Variants in ATOH8 observed in about 807,000 individuals in gnomAD.
ATOH8 encodes atonal bHLH transcription factor 8.
In ATOH8, 9 loss-of-function variants were observed where a neutral mutation model predicts 21.2. That is an observed-to-expected ratio of 0.42 (90% CI 0.26 to 0.74). The LOEUF (loss-of-function observed/expected upper bound fraction) is 0.74, where lower values mean the gene tolerates loss of function less well. ATOH8 is among the 30% of genes least tolerant of loss of function. ATOH8 has a pLI of 0.24. For missense variants in ATOH8, 524 were observed against 470.9 expected, an observed-to-expected ratio of 1.11 and a Z score of -1.04; for synonymous variants, 253 against 224.0, an observed-to-expected ratio of 1.13 and a Z score of -1.16.
chr2:85,789,354 G>A lies in ATOH8; in HGVS notation c.*2464G>A, dbSNP rs1260685456. Among the ~76,000 whole-genome samples the A allele has an allele frequency of 2.0e-5, 3 of 152,186 alleles. No individual in the cohort carries two copies. The highest frequency in any genetic ancestry group is 2.1e-4 in the South Asian group (1 of 4,824). On this transcript the variant is annotated 3_prime_UTR_variant, in exon 3 of 3. Coordinates refer to ENST00000306279, the MANE Select transcript of ATOH8 (RefSeq NM_032827.7). Reference sequence around the variant, plus strand: ...CATCACGGAGCTCTGGGTTCTGTACGGAGGGTGGGACAGACAGGTAGACAA... The same window carrying A: ...CATCACGGAGCTCTGGGTTCTGTACAGAGGGTGGGACAGACAGGTAGACAA...
chr2:85,767,046 G>C (rs779364092), intron 2 of ATOH8, among the ~76,000 whole-genome samples: 11 of 152,018 alleles, frequency 7.2e-5, no homozygotes, highest in Non-Finnish European at 4.4e-5. Flanking sequence ...CCTTTTTTTG[G>C]GGGGCTTGAG....
chr2:85,779,253 G>A lies in ATOH8; in HGVS notation c.961-7632G>A, dbSNP rs563054031. Among the ~76,000 whole-genome samples the A allele has an allele frequency of 3.9e-5, 6 of 152,378 alleles. No homozygotes were observed. In the South Asian group the frequency reaches 1.2e-3, roughly 32 times the overall value. ...AGCCGCAGCAGCTGCCTGCAGCTTC[G>A]CCTGGGCCAGCTCGACCCTCACAAT... On this transcript the variant is annotated intron_variant, in intron 2 of 2. Transcript: ENST00000306279.
At chr2:85,774,461 C>A in intron 2 of ATOH8, 1 of 985,474 alleles carries the variant, frequency 1.0e-6, no homozygotes, top group African/African-American at 1.7e-5. Flanking sequence ...CCATGGGAAA[C>A]AACAAACCTT....
rs547732972 is a variant in ATOH8 at position 85,755,828 on chromosome 2, G to C, written c.768+871G>C. Among the ~76,000 whole-genome samples the C allele has an allele frequency of 1.5e-4, 23 of 152,228 alleles. No individual in the cohort carries two copies. In the East Asian group the frequency reaches 3.9e-3, roughly 26 times the overall value. On this transcript the variant is annotated intron_variant, in intron 1 of 2. Transcript: ENST00000306279. Reference sequence around the variant, plus strand: ...CGAGAAGGAGCTCTAGGAAGGAGGTGGTGAGTTCTCTCCCACCCCCACACA... The same window carrying C: ...CGAGAAGGAGCTCTAGGAAGGAGGTCGTGAGTTCTCTCCCACCCCCACACA...
intron 2 of ATOH8, among the ~76,000 whole-genome samples, chr2:85,783,065 A>G (rs1029300388): frequency 6.6e-6 from 1 of 152,228 alleles, no homozygotes; most frequent in East Asian, 1.9e-4. Context: ...AAAACAGGCC[A>G]CGTCCCTGCC....
chr2:85,767,751 A>C (rs1680062456), intron 2 of ATOH8, among the ~76,000 whole-genome samples: 2 of 152,190 alleles, frequency 1.3e-5, no homozygotes, highest in African/African-American at 4.8e-5. Context: ...GGAAAAAGCA[A>C]ACCAAAGAAT....
rs10172569 is a variant in ATOH8, at chr2:85,766,947, C to A, written c.960+2765C>A. Among the ~76,000 whole-genome samples, 50,563 of 151,998 alleles carry A rather than the reference C, an allele frequency of 0.33. 8,816 individuals carry two copies. The highest frequency in any genetic ancestry group is 0.45 in the East Asian group (2,308 of 5,118). ...CTGGTCCCCTCGGCAGATGTCCTGC[C>A]CCAGAGTGGACTCATGGGCCCTGAC... On this transcript the variant is annotated intron_variant, in intron 2 of 2. Coordinates refer to ENST00000306279, the MANE Select transcript of ATOH8 (RefSeq NM_032827.7). This position sits in a 1 kb window ranked among gnomAD's most constrained non-coding sequence, Gnocchi z 4.0.
intron 2 of ATOH8, among the ~76,000 whole-genome samples, chr2:85,778,296 G>A (rs1182835292): frequency 6.8e-6 from 1 of 147,898 alleles, no homozygotes; most frequent in African/African-American, 2.6e-5. Flanking sequence ...GTGCACACGT[G>A]CATACGTGTG....
In ATOH8 at chr2:85,754,482, G is replaced by C; in HGVS notation, c.293G>C (p.Gly98Ala). 9 of 1,444,290 alleles carry C rather than the reference G, an allele frequency of 6.2e-6. No homozygotes were observed. Among genetic ancestry groups the C allele is most frequent in the Non-Finnish European group, 8.1e-6 (9 of 1,108,202 alleles). 89.5% of individuals were successfully genotyped at this position (1,444,290 alleles called of 1,614,324 possible). The change falls in exon 1 of 3, where the codon GGC becomes GCC. Residue 98 changes from glycine to alanine, a missense_variant. Gly to Ala is a moderately conservative substitution (Grantham distance 60). Coordinates refer to ENST00000306279, the MANE Select transcript of ATOH8 (RefSeq NM_032827.7). Reference protein sequence around the residue: ...GGTDTAGERGGSRAPEVSDAR... With the variant: ...GGTDTAGERGASRAPEVSDAR... ...ACGGACACAGCCGGGGAGCGCGGGGGCTCTCGGGCGCCCGAGGTCTCCGAC... is the reference window on the plus strand; with the variant it reads ...ACGGACACAGCCGGGGAGCGCGGGGCCTCTCGGGCGCCCGAGGTCTCCGAC...
rs1026053077 is a variant in ATOH8 at position 85,791,165 on chromosome 2, C to G, written c.*4275C>G. On this transcript the variant is annotated 3_prime_UTR_variant, in exon 3 of 3. Transcript: ENST00000306279. ...GACCCCAGACAAACTATGCCTGCCT[C>G]CCTGAAGCCAGGCATCCTGAGGAAC... Among the ~76,000 whole-genome samples, 6 of 152,118 alleles carry G rather than the reference C, an allele frequency of 3.9e-5. No individual in the cohort carries two copies. The highest frequency in any genetic ancestry group is 2.9e-5 in the Non-Finnish European group (2 of 68,026).
chr2:85,780,659 C>G (rs1680458541), intron 2 of ATOH8: 1 of 155,834 alleles, frequency 6.4e-6, no homozygotes, highest in South Asian at 2.0e-4. Flanking sequence ...TGGGACAGGA[C>G]TGGCCCCTAT....
At chr2:85,779,847 C>T (rs562060330) in intron 2 of ATOH8, among the ~76,000 whole-genome samples, 2 of 152,310 alleles carry the variant, frequency 1.3e-5, no homozygotes, top group African/African-American at 2.4e-5. Context: ...AGCCGCCCTC[C>T]GTAAATGGTG....
chr2:85,784,668 G>A (rs1308866996), intron 2 of ATOH8, among the ~76,000 whole-genome samples: 1 of 152,184 alleles, frequency 6.6e-6, no homozygotes, highest in African/African-American at 2.4e-5. Flanking sequence ...AAGGTATGTG[G>A]TATTTCCCAA....
At chr2:85,775,163 A>G (rs1238792310) in intron 2 of ATOH8, 2 of 948,410 alleles carry the variant, frequency 2.1e-6, no homozygotes, top group Non-Finnish European at 2.5e-6. Context: ...ATTACATCCC[A>G]TGACACTATG....
rs902057674 is a variant in ATOH8, at chr2:85,775,074, A to G, written c.960+10892A>G. 3.0e-5 allele frequency: 29 copies of G among 963,560 alleles called. No individual in the cohort carries two copies. The Admixed American group carries it at 3.1e-4, about 10-fold the overall frequency. 59.7% of individuals were successfully genotyped at this position (963,560 alleles called of 1,614,324 possible). On this transcript the variant is annotated intron_variant, in intron 2 of 2. Transcript: ENST00000306279. ...ACAATATGAAACTCTATTATGTGAT[A>G]TATTAGATTTCATGTCATTACATTG...
intron 2 of ATOH8, among the ~76,000 whole-genome samples, chr2:85,769,305 G>A (rs72928930): frequency 0.038 from 5,843 of 152,278 alleles, 409 homozygotes; most frequent in African/African-American, 0.13. Context: ...CAAAGGCCCT[G>A]GTTTTGCATG....
rs573350536 is a variant in ATOH8 at position 85,754,025 on chromosome 2, C to T, written c.-165C>T. 575 of 761,150 alleles carry T rather than the reference C, an allele frequency of 7.6e-4. 2 individuals carry two copies. The African/African-American group carries it at 9.4e-3, about 12-fold the overall frequency. The allele number at this position is 761,150 out of a possible 1,614,324, so 47.1% of individuals were successfully genotyped here. Reference sequence around the variant, plus strand: ...TCTGAGCGCTCCGGGAACGGACAGCCCGGCGGCTTCCCGAAGCCGGCGGCG... The same window carrying T: ...TCTGAGCGCTCCGGGAACGGACAGCTCGGCGGCTTCCCGAAGCCGGCGGCG... On this transcript the variant is annotated 5_prime_UTR_variant, in exon 1 of 3. Coordinates refer to ENST00000306279, the MANE Select transcript of ATOH8 (RefSeq NM_032827.7).
intron 2 of ATOH8, among the ~76,000 whole-genome samples, chr2:85,782,116 C>T (rs959820160): frequency 6.6e-6 from 1 of 152,098 alleles, no homozygotes; most frequent in Non-Finnish European, 1.5e-5. Flanking sequence ...TCCTCCCATG[C>T]CATATCTGCT....
chr2:85,759,323 A>AGAG (rs1458718578), intron 1 of ATOH8, among the ~76,000 whole-genome samples: 1 of 152,202 alleles, frequency 6.6e-6, no homozygotes, highest in Non-Finnish European at 1.5e-5. Context: ...TAAGGGTGAC[A>AGAG]GAGGCCTTCC....
Sources: gnomAD v4.1 joint callset for allele counts (sites outside exome capture counted in the v4.1 genomes callset) on GRCh38, gnomAD v4.1.1 for gene constraint, Gnocchi (gnomAD v3.1) non-coding constraint, MANE v1.5 for transcripts, NCBI Gene and HGNC (gene_info 2026-07-23, HGNC 2026-07-21) for gene names.